The following GABRB3 variants were observed in gnomAD, a reference collection of about 807,000 sequenced individuals.
GABRB3 encodes the protein gamma-aminobutyric acid receptor subunit beta-3.
GABRB3 carries 14 observed loss-of-function variants against 52.1 expected under a neutral mutation model. The observed-to-expected ratio is 0.27, with a 90% CI of 0.18 to 0.42. The LOEUF (loss-of-function observed/expected upper bound fraction) is 0.42, where lower values mean the gene tolerates loss of function less well. Ranked by LOEUF, GABRB3 falls within the 10% of genes least tolerant of loss-of-function variation. The pLI, the probability that GABRB3 is intolerant of heterozygous loss-of-function variation, is 1.00. For synonymous variants in GABRB3, 260 were observed against 232.3 expected (o/e 1.12, Z -1.08); for missense variants, 307 against 609.1 (o/e 0.50, Z 5.22).
At chr15:26,744,909 CT>C (rs1269126397) in intron 3 of GABRB3, among the ~76,000 whole-genome samples, 1 of 152,050 alleles carries the variant, frequency 6.6e-6, no homozygotes, top group African/African-American at 2.4e-5. Context: ...AAAGAAATAC[CT>C]AAAACTTGGT....
chr15:26,760,805 G>GCACACACACA (rs1555383013), intron 3 of GABRB3, among the ~76,000 whole-genome samples: 1 of 17,628 alleles, frequency 5.7e-5, no homozygotes, highest in South Asian at 4.7e-3. Context: ...ACACACACGC[G>GCACACACACA]CACGCACACA....
At chr15:26,584,092 C>T (rs1262468787) in intron 4 of GABRB3, among the ~76,000 whole-genome samples, 1 of 152,130 alleles carries the variant, frequency 6.6e-6, no homozygotes, top group Non-Finnish European at 1.5e-5. Flanking sequence ...ACCCATTTAG[C>T]TCTTTTTGTG....
intron 3 of GABRB3, among the ~76,000 whole-genome samples, chr15:26,745,578 T>C (rs1890316267): frequency 6.6e-6 from 1 of 152,186 alleles, no homozygotes; most frequent in Non-Finnish European, 1.5e-5. Flanking sequence ...GGCTCAGTTT[T>C]TTTCTCACAT....
At chr15:26,689,679 C>G (rs1490940269) in intron 3 of GABRB3, among the ~76,000 whole-genome samples, 1 of 152,012 alleles carries the variant, frequency 6.6e-6, no homozygotes, top group Non-Finnish European at 1.5e-5. Flanking sequence ...CCATGTCAAC[C>G]AACCAGAACC....
intron 6 of GABRB3, among the ~76,000 whole-genome samples, chr15:26,579,060 T>C (rs1206283976): frequency 2.0e-5 from 3 of 152,354 alleles, no homozygotes; most frequent in East Asian, 3.9e-4. Context: ...CTTTTCCATC[T>C]ACTTATCATG....
chr15:26,735,310 C>A (rs1423146437), intron 3 of GABRB3, among the ~76,000 whole-genome samples: 1 of 152,052 alleles, frequency 6.6e-6, no homozygotes, highest in African/African-American at 2.4e-5. Context: ...AATGGTATAG[C>A]CAATATGGAA....
chr15:26,620,405 C>T (rs557511680), intron 4 of GABRB3, among the ~76,000 whole-genome samples: 32 of 152,236 alleles, frequency 2.1e-4, no homozygotes, highest in Admixed American at 2.0e-3. Flanking sequence ...GTTATGATTT[C>T]GCTTATAGCT....
At chr15:26,616,972 A>AG (rs902641178) in intron 4 of GABRB3, among the ~76,000 whole-genome samples, 2 of 151,810 alleles carry the variant, frequency 1.3e-5, no homozygotes, top group Admixed American at 1.3e-4. Context: ...AAAAAACAAA[A>AG]AGTGTATGTG....
At chr15:26,609,882 T>C (rs1892003022) in intron 4 of GABRB3, among the ~76,000 whole-genome samples, 1 of 152,178 alleles carries the variant, frequency 6.6e-6, no homozygotes. Flanking sequence ...AATTGTCCCA[T>C]AGAACTGTTG....
chr15:26,671,903 AT>A (rs1220916159), intron 3 of GABRB3, among the ~76,000 whole-genome samples: 3 of 152,066 alleles, frequency 2.0e-5, no homozygotes, highest in Admixed American at 2.0e-4. Flanking sequence ...GTTTGAGCTC[AT>A]TTGATCCCAG....
chr15:26,742,929 T>C (rs910031985), intron 3 of GABRB3, among the ~76,000 whole-genome samples: 1 of 77,344 alleles, frequency 1.3e-5, no homozygotes, highest in African/African-American at 3.3e-5. Context: ...AGATTCTTTT[T>C]TTTTTTTTTT....
intron 8 of GABRB3, among the ~76,000 whole-genome samples, chr15:26,549,717 G>C (rs1889387721): frequency 6.6e-6 from 1 of 152,110 alleles, no homozygotes; most frequent in African/African-American, 2.4e-5. Context: ...CCACATGGCA[G>C]GATCCAGCAT....
At chr15:26,681,945 G>C (rs1888253263) in intron 3 of GABRB3, among the ~76,000 whole-genome samples, 1 of 152,074 alleles carries the variant, frequency 6.6e-6, no homozygotes, top group Non-Finnish European at 1.5e-5. Context: ...GTGACAGAGT[G>C]AGACTCTGTC....
At chr15:26,591,658 C>A (rs532767657) in intron 4 of GABRB3, among the ~76,000 whole-genome samples, 1 of 152,266 alleles carries the variant, frequency 6.6e-6, no homozygotes, top group East Asian at 1.9e-4. Flanking sequence ...GCAGGTTCAA[C>A]CCTCCGAAGA....
chr15:26,713,226 A>C (rs1472695518), intron 3 of GABRB3, among the ~76,000 whole-genome samples: 1 of 152,168 alleles, frequency 6.6e-6, no homozygotes, highest in African/African-American at 2.4e-5. Context: ...GTGTCCCAGG[A>C]GGCCGTGACT....
chr15:26,594,255 CTT>C (rs1228202356), intron 4 of GABRB3, among the ~76,000 whole-genome samples: 1 of 151,722 alleles, frequency 6.6e-6, no homozygotes, highest in African/African-American at 2.4e-5. Flanking sequence ...ATGTTTTCCT[CTT>C]TCTTTGTATG....
intron 3 of GABRB3, among the ~76,000 whole-genome samples, chr15:26,758,391 GA>G (rs5811449): frequency 0.13 from 20,426 of 152,122 alleles, 2,015 homozygotes; most frequent in East Asian, 0.32. Flanking sequence ...GGATGTTGGA[GA>G]AGAGAATTTT....
intron 3 of GABRB3, among the ~76,000 whole-genome samples, chr15:26,633,562 C>T (rs543466597): frequency 2.0e-5 from 3 of 152,214 alleles, no homozygotes; most frequent in East Asian, 1.9e-4. Context: ...GTTCTTTCAC[C>T]GGCAGCCCCT....
At chr15:26,722,803 G>A (rs2140142613) in intron 3 of GABRB3, among the ~76,000 whole-genome samples, 1 of 152,208 alleles carries the variant, frequency 6.6e-6, no homozygotes, top group East Asian at 1.9e-4. Context: ...GGATCCGAGG[G>A]CTGGGCTTCC....
Sources: gnomAD v4.1 joint callset for allele counts (sites outside exome capture counted in the v4.1 genomes callset) on GRCh38, gnomAD v4.1.1 for gene constraint, MANE v1.5 for transcripts, NCBI Gene and HGNC (gene_info 2026-07-23, HGNC 2026-07-21) for gene names.